The following KCNH8 variants were observed in gnomAD, a reference collection of about 807,000 sequenced individuals.
KCNH8 encodes the protein voltage-gated delayed rectifier potassium channel KCNH8.
A neutral mutation model predicts 103.6 loss-of-function variants in KCNH8; 70 were observed. That is an observed-to-expected ratio of 0.68 (90% CI 0.56 to 0.82). KCNH8 has a LOEUF of 0.82. Ranked by LOEUF, KCNH8 falls within the 40% of genes least tolerant of loss-of-function variation. The pLI is 0.00. For missense variants in KCNH8, 1,217 were observed against 1,329.9 expected, an observed-to-expected ratio of 0.92 and a Z score of 1.32; for synonymous variants, 498 against 489.4, an observed-to-expected ratio of 1.02 and a Z score of -0.23.
intron 3 of KCNH8, among the ~76,000 whole-genome samples, chr3:19,322,409 T>C (rs2065361863): frequency 6.6e-6 from 1 of 152,220 alleles, no homozygotes; most frequent in South Asian, 2.1e-4. Context: ...CAGCATCTTT[T>C]GTCTGTGTCT....
Position 19,347,716 on chromosome 3 carries a change from C to G in KCNH8, c.571-9C>G. On this transcript the variant is annotated splice_polypyrimidine_tract_variant and intron_variant, in intron 4 of 15. Transcript: ENST00000328405. ...TTCTCCTTTCTCTCCTTTTTGTCTT[C>G]ATCCACAGAATGTTTTTGTAGATAA... 6.2e-7 allele frequency: 1 copy of G among 1,611,158 alleles called. No individual in the cohort carries two copies. Among genetic ancestry groups the G allele is most frequent in the South Asian group, 1.1e-5 (1 of 90,828 alleles).
chr3:19,170,214 G>A (rs1328721031), intron 1 of KCNH8, among the ~76,000 whole-genome samples: 1 of 152,120 alleles, frequency 6.6e-6, no homozygotes, highest in East Asian at 1.9e-4. Context: ...ATTGTGCTAA[G>A]TAAATTTATT....
At chr3:19,365,591 A>G (rs954558071) in intron 5 of KCNH8, among the ~76,000 whole-genome samples, 1 of 152,054 alleles carries the variant, frequency 6.6e-6, no homozygotes, top group Non-Finnish European at 1.5e-5. Context: ...AAATATATTT[A>G]TTTACTAACT....
At chr3:19,216,859 A>G (rs904911064) in intron 1 of KCNH8, among the ~76,000 whole-genome samples, 3 of 152,250 alleles carry the variant, frequency 2.0e-5, no homozygotes, top group Admixed American at 2.0e-4. Flanking sequence ...GCAACAGGCC[A>G]GATCCAGGAC....
intron 3 of KCNH8, among the ~76,000 whole-genome samples, chr3:19,298,216 G>A (rs2065019821): frequency 6.6e-6 from 1 of 152,150 alleles, no homozygotes; most frequent in Admixed American, 6.5e-5. Context: ...ACCTTTCTAA[G>A]GTAACATCTT....
intron 1 of KCNH8, among the ~76,000 whole-genome samples, chr3:19,167,712 A>G (rs2063299481): frequency 6.6e-6 from 1 of 152,232 alleles, no homozygotes; most frequent in Non-Finnish European, 1.5e-5. Context: ...ATTCACATGC[A>G]GTTATAAGAA....
At chr3:19,276,175 A>ATGTG (rs59768467) in intron 2 of KCNH8, among the ~76,000 whole-genome samples, 14,787 of 141,848 alleles carry the variant, frequency 0.1, 792 homozygotes, top group Middle Eastern at 0.14. Context: ...CAATATGTAT[A>ATGTG]TGTGTGTGTG....
chr3:19,283,496 C>T (rs1192474060), intron 3 of KCNH8, among the ~76,000 whole-genome samples: 2 of 151,956 alleles, frequency 1.3e-5, no homozygotes, highest in Non-Finnish European at 2.9e-5. Flanking sequence ...ATATTTATCT[C>T]AACATTATCT....
At position 19,466,648 on chromosome 3, in the gene KCNH8, CATTTTTT is replaced by C. The variant is rs1271477792; in HGVS notation, c.2040+9667_2040+9673del. Among the ~76,000 whole-genome samples, 676 of 107,788 alleles carry C rather than the reference CATTTTTT, an allele frequency of 6.3e-3. 11 individuals carry two copies. The highest frequency in any genetic ancestry group is 0.022 in the African/African-American group (623 of 28,954). The allele number at this position is 107,788 out of a possible 152,430, so 70.7% of individuals were successfully genotyped here. ...TGATTGTTAACATTTTGTAGCAATA[CATTTTTT>C]TTTTTTTTTTTTTTTTTTTTTTTTT... On this transcript the variant is annotated intron_variant, in intron 11 of 15. Transcript: ENST00000328405.
In KCNH8 at chr3:19,492,830, CGTGTGTGTGTGTGTGTGTGT is replaced by C. The variant is rs67383228; in HGVS notation, c.2041-17497_2041-17478del. ...AGTCCTTGAGCATGGAATGTTTTTT[CGTGTGTGTGTGTGTGTGTGT>C]GTGTGTGTGTGTGTGTGTGTGTGTG... On this transcript the variant is annotated intron_variant, in intron 11 of 15. Coordinates refer to ENST00000328405, the MANE Select transcript of KCNH8 (RefSeq NM_144633.3). 8.6e-3 allele frequency among the ~76,000 whole-genome samples: 1,066 copies of C among 123,516 alleles called. 11 individuals carry two copies. Among genetic ancestry groups the C allele is most frequent in the African/African-American group, 0.015 (492 of 31,968 alleles). The allele number at this position is 123,516 out of a possible 152,430, so 81.0% of individuals were successfully genotyped here.
At chr3:19,440,956 T>C (rs2067274753) in intron 8 of KCNH8, among the ~76,000 whole-genome samples, 1 of 152,168 alleles carries the variant, frequency 6.6e-6, no homozygotes, top group Non-Finnish European at 1.5e-5. Context: ...GGGTTTGTAC[T>C]CTGCAAAACT....
At chr3:19,167,518 T>C (rs1333800218) in intron 1 of KCNH8, among the ~76,000 whole-genome samples, 2 of 152,226 alleles carry the variant, frequency 1.3e-5, no homozygotes, top group African/African-American at 2.4e-5. Context: ...GACCAAGGAA[T>C]GTGATTCTAC....
chr3:19,529,374 G>A (rs2069121860), intron 15 of KCNH8, among the ~76,000 whole-genome samples: 1 of 152,114 alleles, frequency 6.6e-6, no homozygotes, highest in African/African-American at 2.4e-5. Context: ...TTAAGTTCTA[G>A]AGTACATGTG....
chr3:19,456,258 T>TA (rs1388490331), intron 10 of KCNH8, among the ~76,000 whole-genome samples: 5 of 152,066 alleles, frequency 3.3e-5, no homozygotes, highest in Non-Finnish European at 5.9e-5. Context: ...TTATTTGACA[T>TA]ACATATTTAT....
intron 8 of KCNH8, 100 bp downstream of exon 8, chr3:19,438,461 T>C: frequency 4.2e-6 from 4 of 960,144 alleles, no homozygotes; most frequent in South Asian, 3.2e-5. Context: ...GATAAACTGA[T>C]TAACACTGGA....
intron 11 of KCNH8, among the ~76,000 whole-genome samples, chr3:19,495,477 C>G (rs975435348): frequency 2.6e-5 from 4 of 152,126 alleles, no homozygotes; most frequent in Non-Finnish European, 5.9e-5. Flanking sequence ...TTCCCCATTG[C>G]TGGTTTTTGT....
rs375334383 is a variant in KCNH8 at position 19,469,850 on chromosome 3, A to G, written c.2040+12868A>G. On this transcript the variant is annotated intron_variant, in intron 11 of 15. Coordinates refer to ENST00000328405, the MANE Select transcript of KCNH8 (RefSeq NM_144633.3). The stretch of plus-strand genomic sequence containing the variant: ...CCCTTCTCTTCTTAGTGATTGCCTA[A>G]GATGACAGCTTCATTCCCTTTATTA... Among the ~76,000 whole-genome samples the G allele has an allele frequency of 2.6e-3, 398 of 152,294 alleles. 3 individuals are homozygous for G. The highest frequency in any genetic ancestry group is 8.9e-3 in the African/African-American group (369 of 41,560).
intron 2 of KCNH8, among the ~76,000 whole-genome samples, chr3:19,263,733 T>G (rs1044953465): frequency 1.3e-5 from 2 of 152,168 alleles, no homozygotes; most frequent in South Asian, 4.1e-4. Context: ...CCACTCAGAT[T>G]CATGGGAAGG....
chr3:19,190,753 G>C (rs1291381645), intron 1 of KCNH8, among the ~76,000 whole-genome samples: 1 of 151,888 alleles, frequency 6.6e-6, no homozygotes, highest in East Asian at 1.9e-4. Context: ...ATGTGTAATG[G>C]ATGGTAGAGT....
Sources: allele counts gnomAD v4.1 joint callset (sites outside exome capture counted in the v4.1 genomes callset), GRCh38; gene constraint gnomAD v4.1.1; transcripts MANE v1.5; gene names NCBI Gene and HGNC (gene_info 2026-07-23, HGNC 2026-07-21).